ANKHD1: variants seen among roughly 807,000 people sequenced by gnomAD.
ANKHD1 encodes the protein ankyrin repeat and KH domain containing 1.
Under a neutral mutation model 230.5 loss-of-function variants are expected in ANKHD1, and 31 were observed. That is an observed-to-expected ratio of 0.13 (90% confidence interval 0.10 to 0.18). The LOEUF (loss-of-function observed/expected upper bound fraction) is 0.18. Ranked by LOEUF, ANKHD1 falls within the 10% of genes least tolerant of loss-of-function variation. ANKHD1 has a pLI of 1.00. For missense variants in ANKHD1, 2,256 were observed against 3,071.3 expected (o/e 0.73, Z 6.27); for synonymous variants, 1,074 against 1,117.6 (o/e 0.96, Z 0.78).
chr5:140,445,954 C>G lies in ANKHD1; in HGVS notation c.1126C>G (p.Leu376Val). ...TTCTAATGAATTCAAAGAAAGTGCT[C>G]TAACACTTGCTTGCTACAAAGGTAC... ...THSNEFKESA[L>V]TLACYKGHLD... The change falls in exon 6 of 34, where the codon CTA (leucine) becomes GTA (valine). Residue 376 changes from leucine to valine, a missense_variant. Coordinates refer to ENST00000360839, the MANE Select transcript of ANKHD1 (RefSeq NM_017747.3). The G allele has an allele frequency of 6.2e-7, 1 of 1,602,708 alleles. No homozygotes were observed. The highest frequency in any genetic ancestry group is 1.1e-5 in the South Asian group (1 of 88,742).
chr5:140,492,001 C>T (rs984915897), intron 14 of ANKHD1, among the ~76,000 whole-genome samples: 6 of 151,994 alleles, frequency 3.9e-5, no homozygotes, highest in African/African-American at 1.2e-4. Context: ...ATGGTGGAAA[C>T]GAGATTGAAA....
chr5:140,461,156 A>G (rs1775673174), intron 9 of ANKHD1, among the ~76,000 whole-genome samples: 2 of 152,186 alleles, frequency 1.3e-5, no homozygotes, highest in South Asian at 2.1e-4. Flanking sequence ...ACTGGTTCCT[A>G]TGTAGTGAGA....
intron 32 of ANKHD1, among the ~76,000 whole-genome samples, chr5:140,538,486 C>CT (rs1180859905): frequency 5.9e-5 from 9 of 152,224 alleles, no homozygotes; most frequent in African/African-American, 2.2e-4. Context: ...ACTTTGTGCT[C>CT]TGCTACTACA....
rs1435133819 is a variant in ANKHD1, at chr5:140,520,431, A to G, written c.4318-3635A>G. On this transcript the variant is annotated intron_variant, in intron 24 of 33. Transcript: ENST00000360839. The stretch of plus-strand genomic sequence containing the variant: ...TGACCCAGCCATCCTATTACTGGGT[A>G]TATACCCAAAGGACTATAAATCATG... Among the ~76,000 whole-genome samples, 4 of 152,294 alleles carry G rather than the reference A, an allele frequency of 2.6e-5. No individual in the cohort carries two copies. In the East Asian group the frequency reaches 7.7e-4, roughly 29 times the overall value.
chr5:140,429,074 C>A (rs1166555405), intron 1 of ANKHD1, among the ~76,000 whole-genome samples: 1 of 150,914 alleles, frequency 6.6e-6, no homozygotes, highest in South Asian at 2.1e-4. Context: ...GCATAAGCTA[C>A]CATGCCCGGC....
chr5:140,480,636 C>T (rs988976274), intron 10 of ANKHD1, among the ~76,000 whole-genome samples: 3 of 152,040 alleles, frequency 2.0e-5, no homozygotes, highest in Admixed American at 1.3e-4. Flanking sequence ...GTCTTACTCT[C>T]GGGCTTAACT....
At chr5:140,510,270 A>T in intron 22 of ANKHD1, 89 bp downstream of exon 22, 6 of 1,080,218 alleles carry the variant, frequency 5.6e-6, no homozygotes, top group Non-Finnish European at 7.5e-6. Flanking sequence ...TGGAGAATTG[A>T]GTATATTTCC....
Position 140,535,376 on chromosome 5 carries a change from G to A in ANKHD1, c.6865G>A (p.Asp2289Asn). Residue 2289 changes from aspartate to asparagine, a missense_variant, in exon 30 of 34, where the codon GAC becomes AAC. Asp to Asn is a conservative substitution (Grantham distance 23, BLOSUM62 1). Transcript: ENST00000360839. Reference protein sequence around the residue: ...STSPVGLPSIDPSGSSPSSSS... With the variant: ...STSPVGLPSINPSGSSPSSSS... ...TTTTATTTCAGGGTTACCATCCATT[G>A]ACCCATCAGGCAGCTCCCCATCTTC... The A allele has an allele frequency of 6.2e-7, 1 of 1,607,068 alleles. No individual in the cohort carries two copies. Among genetic ancestry groups the A allele is most frequent in the Non-Finnish European group, 8.5e-7 (1 of 1,177,614 alleles).
Position 140,486,984 on chromosome 5 carries a change from T to G in ANKHD1, c.2169T>G (p.Leu723=). ...SQVPRVPTHT[L]AMVVPPQEPD... is the part of the protein sequence containing the mutation. ...TGCCACGTGTGCCAACGCATACACT[T>G]GCCATGGTTGTACCTCCCCAGGAAC... Residue 723 remains leucine, a synonymous_variant, in exon 14 of 34, where the codon CTT becomes CTG. Transcript: ENST00000360839. The G allele has an allele frequency of 6.2e-7, 1 of 1,613,558 alleles. No individual in the cohort carries two copies. Among genetic ancestry groups the G allele is most frequent in the Non-Finnish European group, 8.5e-7 (1 of 1,179,590 alleles).
intron 2 of ANKHD1, among the ~76,000 whole-genome samples, chr5:140,438,236 C>T (rs1581246082): frequency 1.3e-5 from 2 of 152,086 alleles, no homozygotes; most frequent in African/African-American, 4.8e-5. Context: ...ATATTATGTG[C>T]ATTGTAAAGG....
At chr5:140,505,263 T>A in intron 17 of ANKHD1, 30 bp downstream of exon 17, 3 of 1,610,846 alleles carry the variant, frequency 1.9e-6, no homozygotes, top group Non-Finnish European at 2.5e-6. Context: ...AAAATCCAAG[T>A]GTAGTTACAT....
At chr5:140,463,316 G>C (rs895289941) in intron 9 of ANKHD1, among the ~76,000 whole-genome samples, 1 of 152,120 alleles carries the variant, frequency 6.6e-6, no homozygotes, top group Non-Finnish European at 1.5e-5. Flanking sequence ...CTTTTGACAT[G>C]ACCTCATTGT....
chr5:140,451,494 C>A (rs1430712129), intron 7 of ANKHD1, among the ~76,000 whole-genome samples: 1 of 152,142 alleles, frequency 6.6e-6, no homozygotes, highest in East Asian at 1.9e-4. Context: ...TGAAATTTAA[C>A]AACTAAGGTT....
At position 140,510,273 on chromosome 5, in the gene ANKHD1, A is replaced by G. The variant is rs185271618; in HGVS notation, c.4104+92A>G. 29 of 1,199,692 alleles carry G rather than the reference A, an allele frequency of 2.4e-5. No homozygotes were observed. The Admixed American group carries it at 4.2e-4, about 17-fold the overall frequency. 74.3% of individuals were successfully genotyped at this position (1,199,692 alleles called of 1,614,324 possible). On this transcript the variant is annotated intron_variant, in intron 22 of 33. Transcript: ENST00000360839. ...ATAAGTTTATCTTGGAGAATTGAGT[A>G]TATTTCCATAGAAAAATCACTGCTA...
intron 1 of ANKHD1, among the ~76,000 whole-genome samples, chr5:140,424,219 T>G (rs78006282): frequency 0.059 from 8,879 of 149,560 alleles, 304 homozygotes; most frequent in Middle Eastern, 0.13. Flanking sequence ...TATATATATA[T>G]AGAGAGAGAG....
chr5:140,483,892 A>G (rs1007418115), intron 11 of ANKHD1, among the ~76,000 whole-genome samples: 4 of 152,194 alleles, frequency 2.6e-5, no homozygotes, highest in African/African-American at 9.7e-5. Flanking sequence ...GTTTACCTCA[A>G]CCACACAGAA....
intron 10 of ANKHD1, among the ~76,000 whole-genome samples, chr5:140,478,886 C>T (rs749116404): frequency 1.1e-4 from 16 of 152,228 alleles, no homozygotes; most frequent in Non-Finnish European, 1.6e-4. Flanking sequence ...TCAGGTGATC[C>T]GCCTGCCTCG....
At chr5:140,505,008 ATCT>A in intron 16 of ANKHD1, 42 bp downstream of exon 16, 1 of 1,609,996 alleles carries the variant, frequency 6.2e-7, no homozygotes. Flanking sequence ...GCACATTCTG[ATCT>A]TCTTTGGAAA....
rs548197372 is a variant in ANKHD1 at position 140,429,572 on chromosome 5, C to CT, written c.307-6524dup. ...TATATTTAAGAGCTTGGCTGGTGTT[C>CT]TTTTTTTTGTTCCCTGCATTGTATG... is the stretch of plus-strand genomic sequence containing the variant. On this transcript the variant is annotated intron_variant, in intron 1 of 33. Transcript: ENST00000360839. Among the ~76,000 whole-genome samples the CT allele has an allele frequency of 2.4e-4, 37 of 151,884 alleles. 1 individual carries two copies. The South Asian group carries it at 7.3e-3, about 30-fold the overall frequency.
Sources: allele counts gnomAD v4.1 joint callset (sites outside exome capture counted in the v4.1 genomes callset), GRCh38; gene constraint gnomAD v4.1.1; transcripts MANE v1.5; gene names NCBI Gene and HGNC (gene_info 2026-07-23, HGNC 2026-07-21).